The following NECTIN3 variants were observed in gnomAD, a reference collection of about 807,000 sequenced individuals.
The protein encoded by NECTIN3 is nectin-3.
A neutral mutation model predicts 49.4 loss-of-function variants in NECTIN3; 8 were observed. The observed-to-expected ratio is 0.16, with a 90% CI of 0.10 to 0.29. The LOEUF (loss-of-function observed/expected upper bound fraction) is 0.29, where lower values mean the gene tolerates loss of function less well. Ranked by LOEUF, NECTIN3 falls within the 10% of genes least tolerant of loss-of-function variation. The probability of loss-of-function intolerance (pLI) is 1.00; values close to 1 mark genes in which losing one functional copy is unlikely to be tolerated. For synonymous variants in NECTIN3, 277 were observed against 241.1 expected, an observed-to-expected ratio of 1.15 and a Z score of -1.38; for missense variants, 581 against 654.6, an observed-to-expected ratio of 0.89 and a Z score of 1.23.
At chr3:111,074,442 A>C (rs950566078) in intron 1 of NECTIN3, among the ~76,000 whole-genome samples, 2 of 152,120 alleles carry the variant, frequency 1.3e-5, no homozygotes, top group African/African-American at 4.8e-5. Flanking sequence ...AGAATGCTTT[A>C]CTTGTTTTAT....
At chr3:111,176,202 C>T (rs541009733) in intron 7 of NECTIN3, among the ~76,000 whole-genome samples, 1 of 152,286 alleles carries the variant, frequency 6.6e-6, no homozygotes, top group Non-Finnish European at 1.5e-5. Flanking sequence ...AAGTCAGTAT[C>T]ACTATGTAAA....
intron 7 of NECTIN3, among the ~76,000 whole-genome samples, chr3:111,166,165 C>T (rs572342904): frequency 6.6e-6 from 1 of 152,324 alleles, no homozygotes; most frequent in Non-Finnish European, 1.5e-5. Context: ...CTTCCACAGT[C>T]ACCAGAATGG....
chr3:111,130,769 TATATA>T (rs1213693018), intron 5 of NECTIN3, among the ~76,000 whole-genome samples: 1 of 152,110 alleles, frequency 6.6e-6, no homozygotes, highest in African/African-American at 2.4e-5. Context: ...TGTACTCTAT[TATATA>T]ATAGTAATAC....
intron 7 of NECTIN3, among the ~76,000 whole-genome samples, chr3:111,158,601 C>G (rs916649527): frequency 1.3e-5 from 2 of 152,016 alleles, no homozygotes; most frequent in Admixed American, 1.3e-4. Flanking sequence ...AAGGTAGTTA[C>G]AAAGTTGAAT....
At chr3:111,116,629 T>C (rs1454770883) in intron 2 of NECTIN3, among the ~76,000 whole-genome samples, 3 of 152,096 alleles carry the variant, frequency 2.0e-5, no homozygotes, top group Non-Finnish European at 4.4e-5. Context: ...CACAAATGAC[T>C]GTTTTCCCAA....
At chr3:111,109,010 T>G (rs1234232296) in intron 1 of NECTIN3, among the ~76,000 whole-genome samples, 1 of 152,098 alleles carries the variant, frequency 6.6e-6, no homozygotes, top group Non-Finnish European at 1.5e-5. Flanking sequence ...TTTCTCACAT[T>G]TGGGGAGGTT....
At chr3:111,088,071 T>G (rs537446135) in intron 1 of NECTIN3, among the ~76,000 whole-genome samples, 1 of 152,100 alleles carries the variant, frequency 6.6e-6, no homozygotes, top group African/African-American at 2.4e-5. Flanking sequence ...ATGTTGAAAT[T>G]TGATCCTCAG....
In NECTIN3 at chr3:111,133,745, T is replaced by C. The variant is rs1231091808; in HGVS notation, c.1180T>C (p.Leu394=). The C allele has an allele frequency of 3.1e-6, 5 of 1,613,968 alleles. No individual in the cohort carries two copies. The South Asian group carries it at 5.5e-5, about 18-fold the overall frequency. Residue 394 remains leucine (L), a synonymous_variant, in exon 6 of 6, where the codon TTG becomes CTG. Transcript: ENST00000485303. ...AAAATTGCCCTTCCCATTGTCAACTTTGGCAACAATTAAGGATGACACAAT... is the reference window on the plus strand; with the variant it reads ...AAAATTGCCCTTCCCATTGTCAACTCTGGCAACAATTAAGGATGACACAAT... ...PKKLPFPLST[L]ATIKDDTIAT... is the part of the protein sequence containing the mutation.
chr3:111,112,202 C>G lies in NECTIN3; in HGVS notation c.333C>G (p.Phe111Leu). 1 of 1,613,858 alleles carries G rather than the reference C, an allele frequency of 6.2e-7. No homozygotes were observed. Among genetic ancestry groups the G allele is most frequent in the East Asian group, 2.2e-5 (1 of 44,860 alleles). ...CAGTTCACCATCCCCAATATGGATT[C>G]TCTGTTCAAGGAGAATATCAGGGAA... ...TVAVHHPQYG[F>L]SVQGEYQGRV... The change falls in exon 2 of 6, where the codon TTC becomes TTG. Residue 111 changes from phenylalanine (F) to leucine (L), a missense_variant. Physicochemically the swap from Phe to Leu is conservative, Grantham distance 22 (BLOSUM62 0). Coordinates refer to ENST00000485303, the MANE Select transcript of NECTIN3 (RefSeq NM_015480.3).
intron 2 of NECTIN3, among the ~76,000 whole-genome samples, chr3:111,113,703 A>G (rs1356401846): frequency 3.3e-5 from 5 of 152,084 alleles, no homozygotes; most frequent in African/African-American, 1.2e-4. Flanking sequence ...AAGGTAACAC[A>G]AAGTACTGTA....
At chr3:111,085,781 T>C (rs2031887858) in intron 1 of NECTIN3, among the ~76,000 whole-genome samples, 1 of 152,128 alleles carries the variant, frequency 6.6e-6, no homozygotes, top group Non-Finnish European at 1.5e-5. Context: ...GGACAGACAT[T>C]TGGGTTATTT....
At chr3:111,148,186 A>G (rs555724023) in intron 7 of NECTIN3, among the ~76,000 whole-genome samples, 1 of 152,326 alleles carries the variant, frequency 6.6e-6, no homozygotes, top group South Asian at 2.1e-4. Flanking sequence ...CTCCTAAAAT[A>G]TGTCCTGTAT....
At chr3:111,179,784 T>C (rs908597753) in intron 7 of NECTIN3, among the ~76,000 whole-genome samples, 9 of 151,522 alleles carry the variant, frequency 5.9e-5, no homozygotes, top group African/African-American at 2.2e-4. Flanking sequence ...TCCAAGCTAC[T>C]CGGAAGGCTG....
At chr3:111,121,973 G>A (rs1358664692) in intron 3 of NECTIN3, 148 bp from the exon 4 acceptor site, 5 of 502,528 alleles carry the variant, frequency 9.9e-6, no homozygotes, top group South Asian at 3.7e-5. Flanking sequence ...GTGGAGTAGT[G>A]TCTTCTGTAT....
Position 111,136,395 on chromosome 3 carries a change from A to C in NECTIN3, c.*2180A>C. The C allele has an allele frequency of 3.0e-6, 3 of 984,578 alleles. No individual in the cohort carries two copies. Among genetic ancestry groups the C allele is most frequent in the Non-Finnish European group, 3.6e-6 (3 of 829,404 alleles). 61.0% of individuals were successfully genotyped at this position (984,578 alleles called of 1,614,324 possible). On this transcript the variant is annotated 3_prime_UTR_variant, in exon 6 of 6. Coordinates refer to ENST00000485303, the MANE Select transcript of NECTIN3 (RefSeq NM_015480.3). ...TGTGTTTGTTTGGCGGGAGAGGGTG[A>C]CCTGGAAAGCCACAAGTGAGTATTT...
intron 1 of NECTIN3, among the ~76,000 whole-genome samples, chr3:111,194,096 G>A (rs928732436): frequency 6.6e-6 from 1 of 152,152 alleles, no homozygotes. Flanking sequence ...CTCTGTCACT[G>A]TTCCTACAGT....
intron 1 of NECTIN3, among the ~76,000 whole-genome samples, chr3:111,073,967 C>G (rs1172749879): frequency 2.0e-5 from 3 of 150,918 alleles, no homozygotes; most frequent in Non-Finnish European, 4.4e-5. Flanking sequence ...TAATTCAGAG[C>G]TTAAAAACTT....
At chr3:111,163,809 A>G (rs2035266206) in intron 7 of NECTIN3, among the ~76,000 whole-genome samples, 1 of 152,144 alleles carries the variant, frequency 6.6e-6, no homozygotes, top group African/African-American at 2.4e-5. Context: ...ATGCATTGTC[A>G]TGACTGCAGT....
At chr3:111,150,254 G>T (rs938236445) in intron 7 of NECTIN3, among the ~76,000 whole-genome samples, 3 of 151,878 alleles carry the variant, frequency 2.0e-5, no homozygotes, top group African/African-American at 7.2e-5. Context: ...TTACAGTGCT[G>T]ACATATCATG....
Sources: gnomAD v4.1 joint callset for allele counts (sites outside exome capture counted in the v4.1 genomes callset) on GRCh38, gnomAD v4.1.1 for gene constraint, MANE v1.5 for transcripts, NCBI Gene and HGNC (gene_info 2026-07-23, HGNC 2026-07-21) for gene names.